PCDHGA7: variants seen among roughly 807,000 people sequenced by gnomAD.
PCDHGA7 encodes protocadherin gamma subfamily A, 7.
In PCDHGA7, 44 loss-of-function variants were observed where a neutral mutation model predicts 58.3. The observed-to-expected ratio is 0.75, with a 90% confidence interval of 0.59 to 0.97. The LOEUF is 0.97. Among genes scored for constraint, PCDHGA7 ranks in the 50% least tolerant of loss-of-function variants. PCDHGA7 has a pLI of 0.00. For missense variants in PCDHGA7, 1,266 were observed against 1,188.7 expected, an observed-to-expected ratio of 1.06 and a Z score of -0.96; for synonymous variants, 516 against 504.2, an observed-to-expected ratio of 1.02 and a Z score of -0.31.
intron 1 of PCDHGA7, chr5:141,409,464 C>G (rs1185218827): frequency 1.9e-6 from 3 of 1,613,940 alleles, no homozygotes; most frequent in Non-Finnish European, 1.7e-6. Context: ...TACAATGTCA[C>G]CATCGTAGCC....
chr5:141,407,390 G>T (rs2094924861), intron 1 of PCDHGA7, among the ~76,000 whole-genome samples: 1 of 152,164 alleles, frequency 6.6e-6, no homozygotes, highest in Non-Finnish European at 1.5e-5. Flanking sequence ...GTATGTCATG[G>T]TAGGTAGTTA....
intron 1 of PCDHGA7, among the ~76,000 whole-genome samples, chr5:141,466,637 A>G (rs944728391): frequency 1.1e-4 from 16 of 152,234 alleles, no homozygotes; most frequent in Admixed American, 8.5e-4. Flanking sequence ...CATTGTCTCC[A>G]TAAACTTTTC....
intron 1 of PCDHGA7, among the ~76,000 whole-genome samples, chr5:141,488,348 C>G (rs1231687770): frequency 3.2e-4 from 49 of 152,106 alleles, no homozygotes; most frequent in Admixed American, 3.2e-3. Context: ...TAGAAACAGC[C>G]ACCCTGTGCA....
Position 141,388,177 on chromosome 5 carries a change from A to T in PCDHGA7, c.2424+2854A>T, listed in dbSNP as rs778496978. 25 of 1,515,690 alleles carry T rather than the reference A, an allele frequency of 1.6e-5. No individual in the cohort carries two copies. The Admixed American group carries it at 4.5e-4, about 27-fold the overall frequency. 93.9% of individuals were successfully genotyped at this position (1,515,690 alleles called of 1,614,324 possible). On this transcript the variant is annotated intron_variant, in intron 1 of 3. Coordinates refer to ENST00000518325, the MANE Select transcript of PCDHGA7 (RefSeq NM_018920.4). The stretch of plus-strand genomic sequence containing the variant: ...CTAGACAGGGAGGAGATATGCGGGA[A>T]GAAGCCAGCTTGTGCTCTGGAATTT...
Position 141,477,898 on chromosome 5 carries a change from A to G in PCDHGA7, c.2425-16909A>G. 1 of 1,614,158 alleles carries G rather than the reference A, an allele frequency of 6.2e-7. No homozygotes were observed. Among genetic ancestry groups the G allele is most frequent in the Middle Eastern group, 1.6e-4 (1 of 6,062 alleles). ...CTGGCCACCTAGTGTCACGGGTGGTAGGCTGGGACGCGGATGCAGGGCACA... is the reference window on the plus strand; with the variant it reads ...CTGGCCACCTAGTGTCACGGGTGGTGGGCTGGGACGCGGATGCAGGGCACA... On this transcript the variant is annotated intron_variant, in intron 1 of 3. Coordinates refer to ENST00000518325, the MANE Select transcript of PCDHGA7 (RefSeq NM_018920.4). This position sits in a 1 kb window ranked among gnomAD's most constrained non-coding sequence, Gnocchi z 4.9.
Position 141,511,212 on chromosome 5 carries a change from C to T in PCDHGA7, c.*39C>T. ...CCAAGAGCCACAGGGCGGCCTCTCC[C>T]CAACCAGCCCAGCTTCTCCTTACCT... is the stretch of plus-strand genomic sequence containing the variant. On this transcript the variant is annotated 3_prime_UTR_variant, in exon 4 of 4. Coordinates refer to ENST00000518325, the MANE Select transcript of PCDHGA7 (RefSeq NM_018920.4). 6.2e-7 allele frequency: 1 copy of T among 1,608,656 alleles called. No individual in the cohort carries two copies. Among genetic ancestry groups the T allele is most frequent in the Non-Finnish European group, 8.5e-7 (1 of 1,177,502 alleles).
chr5:141,395,788 C>A (rs1254748153), intron 1 of PCDHGA7: 2 of 152,198 alleles, frequency 1.3e-5, no homozygotes, highest in African/African-American at 4.8e-5. Context: ...AACTTTAATA[C>A]TTCTTACCAT....
chr5:141,437,820 C>T (rs973577605), intron 1 of PCDHGA7, among the ~76,000 whole-genome samples: 4 of 151,904 alleles, frequency 2.6e-5, no homozygotes, highest in Non-Finnish European at 5.9e-5. Flanking sequence ...TCACTGCAAC[C>T]TCTGCCTCCT....
chr5:141,418,006 C>T, intron 1 of PCDHGA7: 7 of 1,613,896 alleles, frequency 4.3e-6, no homozygotes, highest in Non-Finnish European at 5.9e-6. Flanking sequence ...TGGTGGGGAA[C>T]CTCGCTAAGG....
At position 141,431,790 on chromosome 5, in the gene PCDHGA7, C is replaced by G; in HGVS notation, c.2424+46467C>G. ...ACTGTTCTGGACGTGAACGACAATG[C>G]CCCAGAAGTGGTCCTCACCTCTCTC... On this transcript the variant is annotated intron_variant, in intron 1 of 3. Coordinates refer to ENST00000518325, the MANE Select transcript of PCDHGA7 (RefSeq NM_018920.4). The surrounding 1 kb of genome is among the most constrained non-coding windows in gnomAD (Gnocchi z 4.8). 1 of 1,614,186 alleles carries G rather than the reference C, an allele frequency of 6.2e-7. No homozygotes were observed. Among genetic ancestry groups the G allele is most frequent in the Non-Finnish European group, 8.5e-7 (1 of 1,180,016 alleles).
intron 1 of PCDHGA7, chr5:141,403,454 C>T: frequency 6.2e-7 from 1 of 1,614,054 alleles, no homozygotes; most frequent in Non-Finnish European, 8.5e-7. Context: ...GAACTCCCTC[C>T]AGAGCTACCA....
intron 1 of PCDHGA7, among the ~76,000 whole-genome samples, chr5:141,469,162 G>A (rs2099192596): frequency 6.6e-6 from 1 of 152,062 alleles, no homozygotes; most frequent in Admixed American, 6.6e-5. Flanking sequence ...TGTAGTCCCA[G>A]CTACTTGGGA....
chr5:141,476,672 A>T lies in PCDHGA7; in HGVS notation c.2425-18135A>T. 6.2e-7 allele frequency: 1 copy of T among 1,614,206 alleles called. No individual in the cohort carries two copies. Among genetic ancestry groups the T allele is most frequent in the African/African-American group, 1.3e-5 (1 of 75,058 alleles). ...TGAATACTTTGCGCTTCGCGTGCAG[A>T]CGCGGGAGGACAGCACCAAGTACGC... On this transcript the variant is annotated intron_variant, in intron 1 of 3. Transcript: ENST00000518325. The surrounding 1 kb of genome is among the most constrained non-coding windows in gnomAD (Gnocchi z 7.6).
intron 1 of PCDHGA7, among the ~76,000 whole-genome samples, chr5:141,484,760 A>G (rs1472178052): frequency 2.0e-5 from 3 of 151,880 alleles, no homozygotes; most frequent in South Asian, 2.1e-4. Flanking sequence ...GTATATATAT[A>G]TATATGTTGT....
intron 1 of PCDHGA7, chr5:141,426,833 G>T: frequency 2.2e-6 from 1 of 456,680 alleles, no homozygotes; most frequent in Non-Finnish European, 4.4e-6. Flanking sequence ...TGATGGACAA[G>T]ACTAAAGGCA....
chr5:141,465,777 C>G (rs2099109055), intron 1 of PCDHGA7, among the ~76,000 whole-genome samples: 2 of 151,768 alleles, frequency 1.3e-5, no homozygotes, highest in African/African-American at 2.4e-5. Flanking sequence ...TCTCTTGTTA[C>G]AGTTTTTTTT....
At position 141,384,871 on chromosome 5, in the gene PCDHGA7, G is replaced by A. The variant is rs769607351; in HGVS notation, c.1972G>A (p.Val658Ile). The change falls in exon 1 of 4, where the codon GTC becomes ATC. Residue 658 changes from valine (V) to isoleucine (I), a missense_variant. Physicochemically the swap from Val to Ile is conservative, Grantham distance 29. Coordinates refer to ENST00000518325, the MANE Select transcript of PCDHGA7 (RefSeq NM_018920.4). ...CGGTCAGCCTCCTCTGTCAGCCACC[G>A]TCACACTCACCGTGGCTGTGGCTGA... is the stretch of plus-strand genomic sequence containing the variant. ...DHGQPPLSAT[V>I]TLTVAVADSI... 9 of 1,613,648 alleles carry A rather than the reference G, an allele frequency of 5.6e-6. No individual in the cohort carries two copies. Among genetic ancestry groups the A allele is most frequent in the South Asian group, 1.1e-5 (1 of 91,092 alleles).
chr5:141,492,870 C>G (rs2099744684), intron 1 of PCDHGA7, among the ~76,000 whole-genome samples: 1 of 152,192 alleles, frequency 6.6e-6, no homozygotes, highest in African/African-American at 2.4e-5. Flanking sequence ...TGGCTCTCAA[C>G]CCCCAGAGAT....
chr5:141,413,891 C>G, intron 1 of PCDHGA7: 1 of 1,613,382 alleles, frequency 6.2e-7, no homozygotes, highest in East Asian at 2.2e-5. Flanking sequence ...GTCTTCGATG[C>G]AAATGACAAC....
Sources: allele counts gnomAD v4.1 joint callset (sites outside exome capture counted in the v4.1 genomes callset), GRCh38; gene constraint gnomAD v4.1.1; non-coding constraint Gnocchi (gnomAD v3.1); transcripts MANE v1.5; gene names NCBI Gene and HGNC (gene_info 2026-07-23, HGNC 2026-07-21).